The following BCL2 variants were observed in gnomAD, a reference collection of about 807,000 sequenced individuals.
The protein encoded by BCL2 is apoptosis regulator Bcl-2.
A neutral mutation model predicts 14.2 loss-of-function variants in BCL2; 1 was observed. The observed-to-expected ratio is 0.07, with a 90% CI of 0.02 to 0.33. The LOEUF is 0.33. Ranked by LOEUF, BCL2 falls within the 10% of genes least tolerant of loss-of-function variation. BCL2 has a pLI of 0.99. For missense variants in BCL2, 247 were observed against 305.9 expected (o/e 0.81, Z 1.44); for synonymous variants, 151 against 137.2 (o/e 1.10, Z -0.70).
intron 2 of BCL2, among the ~76,000 whole-genome samples, chr18:63,129,824 G>A (rs1914018547): frequency 6.6e-6 from 1 of 152,146 alleles, no homozygotes; most frequent in Non-Finnish European, 1.5e-5. Context: ...CTGGTGCAGT[G>A]CCAACCTCTA....
At chr18:63,283,325 AATGG>A (rs1912366915) in intron 2 of BCL2, among the ~76,000 whole-genome samples, 1 of 152,162 alleles carries the variant, frequency 6.6e-6, no homozygotes. Flanking sequence ...CTAGCTCTCA[AATGG>A]ATTCACGTTC....
intron 2 of BCL2, among the ~76,000 whole-genome samples, chr18:63,260,536 G>A (rs961729657): frequency 1.2e-4 from 18 of 152,212 alleles, no homozygotes; most frequent in Admixed American, 9.2e-4. Context: ...AGCAGGGGCG[G>A]ACGATAGCAC....
At chr18:63,198,255 CACAG>C (rs764980149) in intron 2 of BCL2, among the ~76,000 whole-genome samples, 91 of 151,102 alleles carry the variant, frequency 6.0e-4, no homozygotes, top group Non-Finnish European at 1.6e-4. Flanking sequence ...GAGACACACA[CACAG>C]ACACACACTG....
chr18:63,300,032 G>A (rs750416869), intron 2 of BCL2, among the ~76,000 whole-genome samples: 1 of 152,102 alleles, frequency 6.6e-6, no homozygotes, highest in Non-Finnish European at 1.5e-5. Flanking sequence ...AAATGACCAC[G>A]TTTTATTGTA....
chr18:63,241,566 A>G (rs1911002599), intron 2 of BCL2, among the ~76,000 whole-genome samples: 1 of 152,212 alleles, frequency 6.6e-6, no homozygotes. Flanking sequence ...GGAAAGGGGA[A>G]GAAATGCTCC....
In BCL2 at chr18:63,219,487, C is replaced by T. The variant is rs558821161; in HGVS notation, c.586-90728G>A. ...TTTTTTTTTTTTTGAGACGGATTCT[C>T]GCTCTGTCGCCCAGGGTAGAACACA... is the stretch of plus-strand genomic sequence containing the variant. On this transcript the variant is annotated intron_variant, in intron 2 of 2. Transcript: ENST00000333681. 6.1e-3 allele frequency among the ~76,000 whole-genome samples: 846 copies of T among 137,932 alleles called. 8 individuals are homozygous for T. Among genetic ancestry groups the T allele is most frequent in the African/African-American group, 0.022 (804 of 36,474 alleles). 90.5% of individuals were successfully genotyped at this position (137,932 alleles called of 152,430 possible).
intron 2 of BCL2, among the ~76,000 whole-genome samples, chr18:63,311,868 A>G (rs1913333013): frequency 6.6e-6 from 1 of 152,184 alleles, no homozygotes; most frequent in Non-Finnish European, 1.5e-5. Flanking sequence ...TCACATGTTT[A>G]AAAGGGCGTT....
intron 2 of BCL2, among the ~76,000 whole-genome samples, chr18:63,176,190 G>C (rs1200362380): frequency 6.6e-6 from 1 of 152,186 alleles, no homozygotes; most frequent in African/African-American, 2.4e-5. Flanking sequence ...TGAGTGTTTT[G>C]AGAATGCTTG....
chr18:63,237,942 G>GAT (rs1910886990), intron 2 of BCL2, among the ~76,000 whole-genome samples: 1 of 59,084 alleles, frequency 1.7e-5, no homozygotes, highest in African/African-American at 4.9e-5. Context: ...TCCAGGGTTG[G>GAT]ATTTTTTTTT....
At chr18:63,233,540 G>A (rs1910742912) in intron 2 of BCL2, among the ~76,000 whole-genome samples, 1 of 152,146 alleles carries the variant, frequency 6.6e-6, no homozygotes, top group African/African-American at 2.4e-5. Flanking sequence ...CTCATAAGGA[G>A]CGAGCAACCA....
chr18:63,155,740 G>A (rs1008741732), intron 2 of BCL2, among the ~76,000 whole-genome samples: 1 of 152,200 alleles, frequency 6.6e-6, no homozygotes, highest in Non-Finnish European at 1.5e-5. Context: ...GGGCTGCTTG[G>A]CCAGATGCCA....
intron 2 of BCL2, among the ~76,000 whole-genome samples, chr18:63,137,737 C>A (rs926636380): frequency 5.9e-5 from 9 of 152,186 alleles, no homozygotes; most frequent in African/African-American, 1.9e-4. Context: ...ATTTTCCAAA[C>A]TCATTTGGCC....
intron 2 of BCL2, among the ~76,000 whole-genome samples, chr18:63,194,122 T>C (rs1909373433): frequency 6.6e-6 from 1 of 152,164 alleles, no homozygotes; most frequent in African/African-American, 2.4e-5. Flanking sequence ...TCCAATCCCA[T>C]ATAAACCACA....
chr18:63,190,603 C>G (rs1485626472), intron 2 of BCL2, among the ~76,000 whole-genome samples: 1 of 152,254 alleles, frequency 6.6e-6, no homozygotes, highest in Non-Finnish European at 1.5e-5. Flanking sequence ...AAGGGATTCT[C>G]CCTTCCTGAG....
intron 2 of BCL2, among the ~76,000 whole-genome samples, chr18:63,162,619 T>C (rs1326881477): frequency 6.6e-6 from 1 of 152,038 alleles, no homozygotes; most frequent in Non-Finnish European, 1.5e-5. Context: ...CTGAACTCAT[T>C]TGCCTGCTTT....
intron 2 of BCL2, among the ~76,000 whole-genome samples, chr18:63,288,550 G>A (rs1323852649): frequency 6.6e-6 from 1 of 152,226 alleles, no homozygotes; most frequent in African/African-American, 2.4e-5. Flanking sequence ...GCACAGCCTA[G>A]TGAAAGTTTC....
At chr18:63,294,063 C>G (rs2144272453) in intron 2 of BCL2, among the ~76,000 whole-genome samples, 1 of 151,980 alleles carries the variant, frequency 6.6e-6, no homozygotes, top group South Asian at 2.1e-4. Context: ...GAGAATAATT[C>G]AGCGCCTTAT....
chr18:63,223,371 G>A (rs1351503020), intron 2 of BCL2, among the ~76,000 whole-genome samples: 1 of 149,646 alleles, frequency 6.7e-6, no homozygotes, highest in Non-Finnish European at 1.5e-5. Context: ...CTGCACTCCA[G>A]CCTGGGCGAC....
chr18:63,236,987 C>T (rs1383151076), intron 2 of BCL2, among the ~76,000 whole-genome samples: 1 of 152,020 alleles, frequency 6.6e-6, no homozygotes, highest in Non-Finnish European at 1.5e-5. Flanking sequence ...CGGGAGCTTC[C>T]GCATTTATTA....
Sources: gnomAD v4.1 joint callset for allele counts (sites outside exome capture counted in the v4.1 genomes callset) on GRCh38, gnomAD v4.1.1 for gene constraint, MANE v1.5 for transcripts, NCBI Gene and HGNC (gene_info 2026-07-23, HGNC 2026-07-21) for gene names.